The following IFT80 variants were observed in gnomAD, a reference collection of about 807,000 sequenced individuals.
IFT80 encodes the protein intraflagellar transport 80.
A neutral mutation model predicts 107.9 loss-of-function variants in IFT80; 79 were observed. The ratio of observed to expected loss-of-function variants is 0.73; its 90% CI spans 0.61 to 0.88. IFT80 has a LOEUF of 0.88. IFT80 is among the 40% of genes least tolerant of loss of function. IFT80 has a pLI of 0.00. For synonymous variants in IFT80, 299 were observed against 300.9 expected, an observed-to-expected ratio of 0.99 and a Z score of 0.07; for missense variants, 797 against 914.2, an observed-to-expected ratio of 0.87 and a Z score of 1.65.
rs1304796892 is a variant in IFT80 at position 160,319,814 on chromosome 3, T to C, written c.903A>G (p.Gln301=). 1.2e-6 allele frequency: 2 copies of C among 1,613,126 alleles called. No individual in the cohort carries two copies. Among genetic ancestry groups the C allele is most frequent in the Non-Finnish European group, 1.7e-6 (2 of 1,179,306 alleles). Residue 301 remains glutamine, a synonymous_variant, in exon 9 of 20, where the codon CAA becomes CAG. Transcript: ENST00000326448. The stretch of plus-strand genomic sequence containing the variant: ...CTTGAAAATTTTTCCACTCCCAATG[T>C]TGTTCCACCACATGTGCAAAAACGA... ...GHVVFAHVVE[Q]HWEWKNFQVT...
At chr3:160,316,533 A>T (rs1490185148) in intron 9 of IFT80, among the ~76,000 whole-genome samples, 2 of 152,204 alleles carry the variant, frequency 1.3e-5, no homozygotes, top group Non-Finnish European at 2.9e-5. Flanking sequence ...CTAACACAGT[A>T]CAGCTGCTAA....
At chr3:160,372,978 A>G (rs1369507922) in intron 5 of IFT80, among the ~76,000 whole-genome samples, 2 of 152,192 alleles carry the variant, frequency 1.3e-5, no homozygotes, top group African/African-American at 4.8e-5. Flanking sequence ...TGAATCACAG[A>G]CCAGAATGTA....
At chr3:160,314,611 A>T (rs981467866) in intron 9 of IFT80, among the ~76,000 whole-genome samples, 2 of 152,214 alleles carry the variant, frequency 1.3e-5, no homozygotes, top group Admixed American at 1.3e-4. Context: ...ATAAACCAAA[A>T]GCCAAAGAAG....
Position 160,277,372 on chromosome 3 carries a change from A to C in IFT80, c.2033T>G (p.Val678Gly), listed in dbSNP as rs762893736. 1.2e-6 allele frequency: 2 copies of C among 1,613,738 alleles called. No individual in the cohort carries two copies. The highest frequency in any genetic ancestry group is 1.7e-6 in the Non-Finnish European group (2 of 1,179,808). Residue 678 changes from valine (V) to glycine (G), a missense_variant, in exon 18 of 20, where the codon GTA becomes GGA. Transcript: ENST00000326448. The part of the protein sequence containing the change: ...FSGNIQEAEI[V>G]LLQAGLVYQA... ...ATAAACAAGGCCAGCCTGAAGAAGT[A>C]CTATTTCAGCCTCCTGTATGTTCCC...
intron 9 of IFT80, among the ~76,000 whole-genome samples, chr3:160,317,661 C>T (rs1219562558): frequency 1.3e-5 from 2 of 152,024 alleles, no homozygotes; most frequent in Non-Finnish European, 2.9e-5. Flanking sequence ...TACATTAAAC[C>T]ATCATCTAGA....
intron 12 of IFT80, among the ~76,000 whole-genome samples, chr3:160,298,825 A>C (rs1716191275): frequency 6.6e-6 from 1 of 152,176 alleles, no homozygotes; most frequent in African/African-American, 2.4e-5. Context: ...TACTGAATAT[A>C]ATGGACAACT....
At chr3:160,387,083 C>A (rs1261338602) in intron 1 of IFT80, among the ~76,000 whole-genome samples, 3 of 152,066 alleles carry the variant, frequency 2.0e-5, no homozygotes, top group Non-Finnish European at 2.9e-5. Flanking sequence ...TTCAATACCC[C>A]AAAAGAGAAA....
At chr3:160,268,181 A>C (rs1713496766) in intron 19 of IFT80, among the ~76,000 whole-genome samples, 1 of 152,202 alleles carries the variant, frequency 6.6e-6, no homozygotes, top group East Asian at 1.9e-4. Flanking sequence ...CCTTAGCACA[A>C]ATGGAATATT....
chr3:160,305,944 G>A (rs1340572368), intron 10 of IFT80, among the ~76,000 whole-genome samples: 1 of 152,048 alleles, frequency 6.6e-6, no homozygotes, highest in Non-Finnish European at 1.5e-5. Context: ...AAACATGAAA[G>A]TATAACAGTT....
At chr3:160,310,229 G>T (rs1170044861) in intron 9 of IFT80, among the ~76,000 whole-genome samples, 2 of 152,162 alleles carry the variant, frequency 1.3e-5, no homozygotes, top group African/African-American at 4.8e-5. Context: ...TGTCACATCA[G>T]AAAGCAACGA....
intron 1 of IFT80, among the ~76,000 whole-genome samples, chr3:160,390,703 CTA>C (rs753029644): frequency 1.0e-3 from 153 of 152,300 alleles, no homozygotes; most frequent in Non-Finnish European, 1.6e-3. Flanking sequence ...AGAACAAAGA[CTA>C]TGTTTCCTAG....
At chr3:160,267,456 G>A (rs570453037) in intron 19 of IFT80, among the ~76,000 whole-genome samples, 63 of 152,286 alleles carry the variant, frequency 4.1e-4, no homozygotes, top group African/African-American at 1.4e-3. Flanking sequence ...AGGCCAGAGT[G>A]AGATATCATA....
chr3:160,318,673 T>C (rs577754254), intron 9 of IFT80, among the ~76,000 whole-genome samples: 72 of 152,180 alleles, frequency 4.7e-4, no homozygotes, highest in African/African-American at 1.6e-3. Flanking sequence ...CCTTCTTGTA[T>C]TAATCTACAA....
rs1559916003 is a variant in IFT80, at chr3:160,279,368, T to C, written c.1665-4A>G. On this transcript the variant is annotated splice_polypyrimidine_tract_variant and splice_region_variant and intron_variant, in intron 15 of 19. Transcript: ENST00000326448. ...ATGGGGATTTTTACTAAATTCACTG[T>C]TGAAAAAAAAAGCAAAGTACAATTT... is the stretch of plus-strand genomic sequence containing the variant. 1.2e-6 allele frequency: 2 copies of C among 1,612,126 alleles called. No homozygotes were observed. The highest frequency in any genetic ancestry group is 1.7e-6 in the Non-Finnish European group (2 of 1,178,528).
intron 12 of IFT80, among the ~76,000 whole-genome samples, chr3:160,287,082 A>C (rs2108243146): frequency 6.6e-6 from 1 of 152,286 alleles, no homozygotes; most frequent in East Asian, 1.9e-4. Flanking sequence ...CAATGTAATA[A>C]AACCCCATAC....
intron 8 of IFT80, among the ~76,000 whole-genome samples, chr3:160,353,527 A>G (rs1239186244): frequency 6.6e-6 from 1 of 152,228 alleles, no homozygotes; most frequent in Non-Finnish European, 1.5e-5. Flanking sequence ...TTTTACAGAC[A>G]TTGCACAAAA....
chr3:160,354,189 G>C (rs888316544), intron 8 of IFT80, among the ~76,000 whole-genome samples: 5 of 152,092 alleles, frequency 3.3e-5, no homozygotes, highest in South Asian at 2.1e-4. Context: ...GAAAATCAGA[G>C]GTAAAAGCTC....
At chr3:160,308,557 A>G (rs149685668) in intron 9 of IFT80, among the ~76,000 whole-genome samples, 1 of 152,196 alleles carries the variant, frequency 6.6e-6, no homozygotes, top group Admixed American at 6.5e-5. Flanking sequence ...CAGTATAGTT[A>G]AGAGGAAAAA....
At chr3:160,284,609 C>G (rs1714943545) in intron 13 of IFT80, among the ~76,000 whole-genome samples, 1 of 152,138 alleles carries the variant, frequency 6.6e-6, no homozygotes, top group South Asian at 2.1e-4. Context: ...GTTACACTAG[C>G]ACATGTACAA....
Sources: allele counts gnomAD v4.1 joint callset (sites outside exome capture counted in the v4.1 genomes callset), GRCh38; gene constraint gnomAD v4.1.1; transcripts MANE v1.5; gene names NCBI Gene and HGNC (gene_info 2026-07-23, HGNC 2026-07-21).